PCDHGA2: variants seen among roughly 807,000 people sequenced by gnomAD.
The protein encoded by PCDHGA2 is protocadherin gamma-A2.
Under a neutral mutation model 59.2 loss-of-function variants are expected in PCDHGA2, and 40 were observed. The observed-to-expected ratio is 0.68, with a 90% CI of 0.52 to 0.88. PCDHGA2 has a LOEUF of 0.88. PCDHGA2 is among the 40% of genes least tolerant of loss of function. The pLI, the probability that PCDHGA2 is intolerant of heterozygous loss-of-function variation, is 0.00. For missense variants in PCDHGA2, 1,226 were observed against 1,204.0 expected, an observed-to-expected ratio of 1.02 and a Z score of -0.27; for synonymous variants, 560 against 526.0, an observed-to-expected ratio of 1.06 and a Z score of -0.89.
chr5:141,355,126 C>G (rs1237707047), intron 1 of PCDHGA2: 10 of 1,516,436 alleles, frequency 6.6e-6, no homozygotes, highest in African/African-American at 4.2e-5. Flanking sequence ...TATTTTGGAC[C>G]CAGAAGATCC....
Position 141,366,401 on chromosome 5 carries a change from C to T in PCDHGA2, c.2424+25006C>T, listed in dbSNP as rs770890042. On this transcript the variant is annotated intron_variant, in intron 1 of 3. Transcript: ENST00000394576. ...TGACCCTGAGGATCTGGACCTCACA[C>T]TCTATCTTGTGGTGGCAGTGGCTGC... The T allele has an allele frequency of 1.4e-5, 22 of 1,614,202 alleles. No individual in the cohort carries two copies. In the East Asian group the frequency reaches 4.5e-4, roughly 33 times the overall value.
Position 141,499,370 on chromosome 5 carries a change from A to T in PCDHGA2, c.2483+4505A>T, listed in dbSNP as rs546430948. ...CATTCAACAAACAAATAGCAACTTA[A>T]TTTTTTTCCACTTATAAAATAGTAC... On this transcript the variant is annotated intron_variant, in intron 2 of 3. Coordinates refer to ENST00000394576, the MANE Select transcript of PCDHGA2 (RefSeq NM_018915.4). 2.0e-3 allele frequency among the ~76,000 whole-genome samples: 300 copies of T among 152,286 alleles called. 1 individual carries two copies. The highest frequency in any genetic ancestry group is 2.7e-3 in the Non-Finnish European group (184 of 68,028).
chr5:141,390,418 A>T (rs2092141411), intron 1 of PCDHGA2: 1 of 1,099,772 alleles, frequency 9.1e-7, no homozygotes, highest in Admixed American at 2.6e-5. Context: ...TAGTCAGTTA[A>T]AAAGCTGTCA....
chr5:141,354,050 G>A lies in PCDHGA2; in HGVS notation c.2424+12655G>A, dbSNP rs183726749. On this transcript the variant is annotated intron_variant, in intron 1 of 3. Transcript: ENST00000394576. Reference sequence around the variant, plus strand: ...GAAAGAAAGCGATGGCACATGCAATGATAATCCATGTTCGGCTACCAAAAC... The same window carrying A: ...GAAAGAAAGCGATGGCACATGCAATAATAATCCATGTTCGGCTACCAAAAC... 1.9e-3 allele frequency among the ~76,000 whole-genome samples: 287 copies of A among 152,336 alleles called. 2 individuals carry two copies. Among genetic ancestry groups the A allele is most frequent in the South Asian group, 2.3e-3 (11 of 4,832 alleles).
chr5:141,423,489 T>C (rs764165685), intron 1 of PCDHGA2: 1 of 1,614,016 alleles, frequency 6.2e-7, no homozygotes, highest in South Asian at 1.1e-5. Context: ...TGCAAACCTA[T>C]TCCCACGAGG....
At chr5:141,423,248 C>A in intron 1 of PCDHGA2, 1 of 1,613,888 alleles carries the variant, frequency 6.2e-7, no homozygotes, top group Non-Finnish European at 8.5e-7. Context: ...GAAGTCCTGG[C>A]GGACCTCGGC....
chr5:141,421,187 A>G (rs745843422), intron 1 of PCDHGA2: 5 of 1,473,698 alleles, frequency 3.4e-6, no homozygotes, highest in Non-Finnish European at 4.5e-6. Context: ...TTCACAACCA[A>G]CCAGCTCGAG....
chr5:141,341,164 C>T lies in PCDHGA2; in HGVS notation c.2193C>T (p.Ser731=), dbSNP rs1588450598. The stretch of plus-strand genomic sequence containing the variant: ...GCCTGCTGCAGGCTTCAGGAGGCAG[C>T]TTGACAGGCATGCAGAGCTCGCACT... ...KSRLLQASGG[S]LTGMQSSHFV... is the part of the protein sequence containing the mutation. The change falls in exon 1 of 4, where the codon AGC becomes AGT. Residue 731 remains serine (S), a synonymous_variant. Coordinates refer to ENST00000394576, the MANE Select transcript of PCDHGA2 (RefSeq NM_018915.4). 3.7e-6 allele frequency: 6 copies of T among 1,614,216 alleles called. No individual in the cohort carries two copies. In the East Asian group the frequency reaches 1.3e-4, roughly 36 times the overall value.
In PCDHGA2 at chr5:141,375,370, A is replaced by T. The variant is rs772477616; in HGVS notation, c.2424+33975A>T. ...CTGTGACAGCCACGGACAAAGGAAC[A>T]CCACCTCTGTCTACAGAAACAATCA... On this transcript the variant is annotated intron_variant, in intron 1 of 3. Transcript: ENST00000394576. The T allele has an allele frequency of 2.5e-6, 4 of 1,613,890 alleles. No individual in the cohort carries two copies. In the South Asian group the frequency reaches 4.4e-5, roughly 18 times the overall value.
intron 1 of PCDHGA2, chr5:141,408,475 CCGT>C: frequency 6.2e-7 from 1 of 1,614,032 alleles, no homozygotes; most frequent in Non-Finnish European, 8.5e-7. Context: ...ACCGAATAGA[CCGT>C]GAGCAAATAT....
At chr5:141,341,584 G>A in intron 1 of PCDHGA2, 189 bp downstream of exon 1, 1 of 1,169,318 alleles carries the variant, frequency 8.6e-7, no homozygotes, top group Non-Finnish European at 1.2e-6. Context: ...AGAGACGTGA[G>A]AATCTTTGTG....
At chr5:141,417,256 C>G (rs985322130) in intron 1 of PCDHGA2, 1 of 152,096 alleles carries the variant, frequency 6.6e-6, no homozygotes, top group Non-Finnish European at 1.5e-5. Flanking sequence ...CTTCCAGCTT[C>G]ATAGATAATT....
chr5:141,384,999 C>A, intron 1 of PCDHGA2: 1 of 1,614,144 alleles, frequency 6.2e-7, no homozygotes, highest in Non-Finnish European at 8.5e-7. Flanking sequence ...TGGCCACAGT[C>A]TCCTGCGTCT....
rs1561486334 is a variant in PCDHGA2 at position 141,343,337 on chromosome 5, T to A, written c.2424+1942T>A. 4 of 981,868 alleles carry A rather than the reference T, an allele frequency of 4.1e-6. No individual in the cohort carries two copies. The East Asian group carries it at 3.4e-4, about 84-fold the overall frequency. 60.8% of individuals were successfully genotyped at this position (981,868 alleles called of 1,614,324 possible). A position where few individuals can be genotyped will look rare whatever the true frequency, so the allele number is the denominator to read the frequency against. On this transcript the variant is annotated intron_variant, in intron 1 of 3. Coordinates refer to ENST00000394576, the MANE Select transcript of PCDHGA2 (RefSeq NM_018915.4). ...TGTGTGTTTCTTTTCTTTTTTTCCT[T>A]GTCTCAGCTCTTAGAGAGTTAAGAG...
intron 1 of PCDHGA2, chr5:141,371,219 C>G: frequency 6.2e-7 from 1 of 1,613,954 alleles, no homozygotes. Context: ...GCATCAATGC[C>G]GAAATCATCT....
chr5:141,378,227 A>G (rs1774726852), intron 1 of PCDHGA2: 1 of 152,200 alleles, frequency 6.6e-6, no homozygotes, highest in Non-Finnish European at 1.5e-5. Flanking sequence ...GCCTGATAGT[A>G]TTTAAGAGTG....
At chr5:141,393,976 A>G in intron 1 of PCDHGA2, 1 of 1,613,856 alleles carries the variant, frequency 6.2e-7, no homozygotes, top group Non-Finnish European at 8.5e-7. Flanking sequence ...TACACACGTG[A>G]TAATTTACCT....
rs756658304 is a variant in PCDHGA2, at chr5:141,485,531, G to C, written c.2425-9276G>C. 6.8e-6 allele frequency: 11 copies of C among 1,614,218 alleles called. No homozygotes were observed. In the Admixed American group the frequency reaches 1.5e-4, roughly 22 times the overall value. On this transcript the variant is annotated intron_variant, in intron 1 of 3. Transcript: ENST00000394576. This position sits in a 1 kb window ranked among gnomAD's most constrained non-coding sequence, Gnocchi z 5.7. ...AGGTCCTTTGGAAATGTACCGAGCA[G>C]AGGTAGAGATCGTAGATGTGAATGA... is the stretch of plus-strand genomic sequence containing the variant.
chr5:141,465,366 A>G (rs2099102089), intron 1 of PCDHGA2, among the ~76,000 whole-genome samples: 1 of 152,154 alleles, frequency 6.6e-6, no homozygotes, highest in Non-Finnish European at 1.5e-5. Flanking sequence ...GGTGCCCTTT[A>G]AAGTTGTAAG....
Sources: gnomAD v4.1 joint callset for allele counts (sites outside exome capture counted in the v4.1 genomes callset) on GRCh38, gnomAD v4.1.1 for gene constraint, Gnocchi (gnomAD v3.1) non-coding constraint, MANE v1.5 for transcripts, NCBI Gene and HGNC (gene_info 2026-07-23, HGNC 2026-07-21) for gene names.